DTNA: variants seen among roughly 807,000 people sequenced by gnomAD.
DTNA encodes the protein dystrobrevin alpha, also known as dystrophin-related protein 3.
A neutral mutation model predicts 100.7 loss-of-function variants in DTNA; 43 were observed. The ratio of observed to expected loss-of-function variants is 0.43; its 90% CI spans 0.33 to 0.55. DTNA has a LOEUF of 0.55. Among genes scored for constraint, DTNA ranks in the 20% least tolerant of loss-of-function variants. The pLI is 0.04. For missense variants in DTNA, 798 were observed against 953.9 expected (o/e 0.84, Z 2.15); for synonymous variants, 349 against 347.9 (o/e 1.00, Z -0.04).
intron 1 of DTNA, among the ~76,000 whole-genome samples, chr18:34,531,752 C>A (rs893183499): frequency 3.3e-5 from 5 of 152,106 alleles, no homozygotes; most frequent in African/African-American, 1.2e-4. Context: ...ATTTTAAACC[C>A]TTTCTGACTT....
chr18:34,875,388 A>C lies in DTNA; in HGVS notation c.1893A>C (p.Ala631=). 1 of 1,614,142 alleles carries C rather than the reference A, an allele frequency of 6.2e-7. No homozygotes were observed. The highest frequency in any genetic ancestry group is 8.5e-7 in the Non-Finnish European group (1 of 1,180,036). ...LTGVGGDVQE[A]FAQSSRRNLR... ...GAGTAGGGGGAGATGTACAAGAGGCATTTGCACAAAGTAAGTGGCTTTATT... is the reference window on the plus strand; with the variant it reads ...GAGTAGGGGGAGATGTACAAGAGGCCTTTGCACAAAGTAAGTGGCTTTATT... Residue 631 remains alanine (A), a synonymous_variant, in exon 18 of 23, where the codon GCA becomes GCC. Transcript: ENST00000444659.
chr18:34,585,665 C>G (rs1234121822), intron 1 of DTNA, among the ~76,000 whole-genome samples: 1 of 151,948 alleles, frequency 6.6e-6, no homozygotes, highest in Non-Finnish European at 1.5e-5. Flanking sequence ...ATATAATATC[C>G]TACATAGAAT....
chr18:34,517,078 A>G (rs2041694815), intron 1 of DTNA, among the ~76,000 whole-genome samples: 1 of 152,054 alleles, frequency 6.6e-6, no homozygotes, highest in Non-Finnish European at 1.5e-5. Flanking sequence ...AATCTTCACA[A>G]TTTATGTTCT....
chr18:34,718,035 C>T (rs1023880173), intron 1 of DTNA, among the ~76,000 whole-genome samples: 1 of 152,160 alleles, frequency 6.6e-6, no homozygotes, highest in Non-Finnish European at 1.5e-5. Flanking sequence ...CTTCTCTTTA[C>T]AATAAGTCAG....
At chr18:34,773,246 A>G (rs1333220774) in intron 3 of DTNA, among the ~76,000 whole-genome samples, 1 of 152,244 alleles carries the variant, frequency 6.6e-6, no homozygotes, top group Non-Finnish European at 1.5e-5. Context: ...TTCATGTTTG[A>G]ATAACTAGGA....
intron 6 of DTNA, among the ~76,000 whole-genome samples, chr18:34,812,839 C>T (rs751450151): frequency 2.6e-5 from 4 of 152,136 alleles, no homozygotes; most frequent in African/African-American, 4.8e-5. Context: ...ATGCTTGACC[C>T]GGCAACAAGC....
chr18:34,821,230 T>TA (rs2095708503), intron 9 of DTNA: 1 of 495,332 alleles, frequency 2.0e-6, no homozygotes. Context: ...ATCACTGTGG[T>TA]AAAAAATGAT....
intron 1 of DTNA, among the ~76,000 whole-genome samples, chr18:34,657,167 C>T (rs2074507612): frequency 6.6e-6 from 1 of 152,204 alleles, no homozygotes; most frequent in Non-Finnish European, 1.5e-5. Context: ...TGAGCCACTG[C>T]ACCTGGTCCT....
chr18:34,593,739 C>G (rs1465151950), intron 1 of DTNA, among the ~76,000 whole-genome samples: 1 of 152,198 alleles, frequency 6.6e-6, no homozygotes, highest in Non-Finnish European at 1.5e-5. Flanking sequence ...CATTGCAAGT[C>G]TGTAACTTCA....
At chr18:34,589,928 A>G (rs945175705) in intron 1 of DTNA, among the ~76,000 whole-genome samples, 1 of 149,170 alleles carries the variant, frequency 6.7e-6, no homozygotes, top group Non-Finnish European at 1.5e-5. Flanking sequence ...ATGTTATGGC[A>G]AATGGCAGGA....
intron 6 of DTNA, 99 bp from the exon 7 acceptor site, chr18:34,815,810 A>C (rs1428968747): frequency 9.8e-7 from 1 of 1,016,852 alleles, no homozygotes; most frequent in Non-Finnish European, 1.5e-6. Flanking sequence ...ACATTTATTG[A>C]GTGCTCTTTT....
intron 1 of DTNA, among the ~76,000 whole-genome samples, chr18:34,522,818 C>T (rs2042271899): frequency 1.3e-5 from 2 of 152,210 alleles, no homozygotes; most frequent in Admixed American, 1.3e-4. Flanking sequence ...GACCAGCTTG[C>T]CAATGGGCAC....
At chr18:34,829,597 G>A in intron 11 of DTNA, 108 bp downstream of exon 11, 2 of 1,173,638 alleles carry the variant, frequency 1.7e-6, no homozygotes, top group Non-Finnish European at 2.3e-6. Context: ...TCTTATTGGA[G>A]ATAGAGGTCT....
chr18:34,880,551 T>C (rs551964), intron 20 of DTNA, among the ~76,000 whole-genome samples: 34,151 of 152,074 alleles, frequency 0.22, 4,580 homozygotes, highest in African/African-American at 0.36. Context: ...CTAAAAATAC[T>C]TCAGAAGGGT....
chr18:34,843,253 A>G (rs2096305299), intron 13 of DTNA, among the ~76,000 whole-genome samples: 3 of 152,194 alleles, frequency 2.0e-5, no homozygotes, highest in Admixed American at 6.6e-5. Flanking sequence ...AGTGGTAGAC[A>G]TGGGCAAAGA....
In DTNA at chr18:34,827,634, C is replaced by G; in HGVS notation, c.1043C>G (p.Ser348Cys). Residue 348 changes from serine to cysteine, a missense_variant, in exon 10 of 23, where the codon TCC becomes TGC. By Grantham distance (112) the Ser-to-Cys change is moderately radical (BLOSUM62 -1). Transcript: ENST00000444659. ...PVTSMNDTLF[S>C]HSVPSSGSPF... is the part of the protein sequence containing the mutation. ...ACCAGCATGAACGACACCCTGTTCT[C>G]CCACTCTGTTCCCTCCTCAGGAAGT... The G allele has an allele frequency of 6.2e-7, 1 of 1,613,914 alleles. No homozygotes were observed. The highest frequency in any genetic ancestry group is 8.5e-7 in the Non-Finnish European group (1 of 1,179,828).
At chr18:34,878,117 C>T (rs2096836653) in intron 19 of DTNA, among the ~76,000 whole-genome samples, 1 of 152,034 alleles carries the variant, frequency 6.6e-6, no homozygotes, top group Non-Finnish European at 1.5e-5. Context: ...AGACTACAGG[C>T]ACATGCCAGC....
At chr18:34,646,516 T>A (rs1163435358) in intron 1 of DTNA, among the ~76,000 whole-genome samples, 1 of 152,194 alleles carries the variant, frequency 6.6e-6, no homozygotes, top group Non-Finnish European at 1.5e-5. Flanking sequence ...CACTTTTAAC[T>A]TTACTTGATT....
At chr18:34,524,839 T>G (rs1453507566) in intron 1 of DTNA, among the ~76,000 whole-genome samples, 1 of 152,114 alleles carries the variant, frequency 6.6e-6, no homozygotes. Context: ...AACATTTGTG[T>G]CCAACCGATA....
Sources: allele counts gnomAD v4.1 joint callset (sites outside exome capture counted in the v4.1 genomes callset), GRCh38; gene constraint gnomAD v4.1.1; transcripts MANE v1.5; gene names NCBI Gene and HGNC (gene_info 2026-07-23, HGNC 2026-07-21).